MARK1: variants seen among roughly 807,000 people sequenced by gnomAD.
MARK1 encodes serine/threonine-protein kinase MARK1.
MARK1 carries 40 observed loss-of-function variants against 96.3 expected under a neutral mutation model. That is an observed-to-expected ratio of 0.42 (90% CI 0.32 to 0.54). MARK1 has a LOEUF of 0.54. Ranked by LOEUF, MARK1 falls within the 20% of genes least tolerant of loss-of-function variation. MARK1 has a pLI of 0.16. For missense variants in MARK1, 719 were observed against 984.6 expected (o/e 0.73, Z 3.61); for synonymous variants, 317 against 341.2 (o/e 0.93, Z 0.78).
Position 220,652,024 on chromosome 1 carries a change from G to A in MARK1, c.1610G>A (p.Gly537Asp). 6.2e-7 allele frequency: 1 copy of A among 1,611,028 alleles called. No individual in the cohort carries two copies. Among genetic ancestry groups the A allele is most frequent in the South Asian group, 1.1e-5 (1 of 90,826 alleles). Reference sequence around the variant, plus strand: ...TCTGTGAGTAGCATATCTTCTGCAGGCTCTTCTGTGGCCTCTGCTGTCCCC... The same window carrying A: ...TCTGTGAGTAGCATATCTTCTGCAGACTCTTCTGTGGCCTCTGCTGTCCCC... ...EMSVSSISSA[G>D]SSVASAVPSA... Residue 537 changes from glycine to aspartate, a missense_variant, in exon 15 of 18, where the codon GGC becomes GAC. By Grantham distance (94) the Gly-to-Asp change is moderately conservative (BLOSUM62 -1). Coordinates refer to ENST00000366917, the MANE Select transcript of MARK1 (RefSeq NM_018650.5).
chr1:220,542,988 A>G (rs1661248645), intron 1 of MARK1, among the ~76,000 whole-genome samples: 1 of 152,196 alleles, frequency 6.6e-6, no homozygotes, highest in African/African-American at 2.4e-5. Context: ...GTATACTTTA[A>G]AATGTGCATA....
Position 220,618,744 on chromosome 1 carries a change from G to A in MARK1, c.898G>A (p.Gly300Ser). The change falls in exon 9 of 18, where the codon GGC (glycine) becomes AGC (serine). Residue 300 changes from glycine (G) to serine (S), a missense_variant. Gly to Ser is a moderately conservative substitution (Grantham distance 56). Around this residue, in one of 4 missense-constraint regions of MARK1, gnomAD observed 501 missense variants for 588.3 expected, o/e 0.85. Coordinates refer to ENST00000366917, the MANE Select transcript of MARK1 (RefSeq NM_018650.5). The surrounding 1 kb of genome is among the most constrained non-coding windows in gnomAD (Gnocchi z 4.6). Reference protein sequence around the residue: ...KLLVLNPIKRGSLEQIMKDRW... With the variant: ...KLLVLNPIKRSSLEQIMKDRW... ...ATTAGTCCTGAATCCAATAAAGAGA[G>A]GCAGCTTGGAAGTAAGTAAATTTTT... 1 of 1,590,138 alleles carries A rather than the reference G, an allele frequency of 6.3e-7. No individual in the cohort carries two copies. The highest frequency in any genetic ancestry group is 1.4e-5 in the African/African-American group (1 of 73,556).
Position 220,635,941 on chromosome 1 carries a change from G to A in MARK1, c.1385G>A (p.Gly462Asp), listed in dbSNP as rs771183225. 2 of 1,614,008 alleles carry A rather than the reference G, an allele frequency of 1.2e-6. No homozygotes were observed. Among genetic ancestry groups the A allele is most frequent in the Non-Finnish European group, 1.7e-6 (2 of 1,179,984 alleles). The part of the protein sequence containing the change: ...EWDKDVARKL[G>D]STTVGSKSEM... ...GACAAAGATGTGGCTCGAAAACTTG[G>A]CAGCACAACAGTTGGATCAAAAAGC... Residue 462 changes from glycine to aspartate, a missense_variant, in exon 13 of 18, where the codon GGC becomes GAC. Physicochemically the swap from Gly to Asp is moderately conservative, Grantham distance 94. Coordinates refer to ENST00000366917, the MANE Select transcript of MARK1 (RefSeq NM_018650.5).
intron 6 of MARK1, among the ~76,000 whole-genome samples, chr1:220,609,844 G>C (rs1572170415): frequency 6.6e-6 from 1 of 152,122 alleles, no homozygotes; most frequent in Non-Finnish European, 1.5e-5. Context: ...GAAATTCTGG[G>C]TTGAAAATTC....
Position 220,618,842 on chromosome 1 carries a change from A to G in MARK1, c.909+87A>G. 1 of 1,203,106 alleles carries G rather than the reference A, an allele frequency of 8.3e-7. No individual in the cohort carries two copies. The highest frequency in any genetic ancestry group is 1.1e-6 in the Non-Finnish European group (1 of 883,552). The allele number at this position is 1,203,106 out of a possible 1,614,324, so 74.5% of individuals were successfully genotyped here. The stretch of plus-strand genomic sequence containing the variant: ...GAGCATTTTTCTCCTATGTTTTCTT[A>G]GGAAAATTGCCAAATTATCTAATCT... On this transcript the variant is annotated intron_variant, in intron 9 of 17. Transcript: ENST00000366917. The surrounding 1 kb of genome is among the most constrained non-coding windows in gnomAD (Gnocchi z 4.6).
At chr1:220,632,130 T>C (rs2103007334) in intron 10 of MARK1, 71 bp from the exon 11 acceptor site, 2 of 661,816 alleles carry the variant, frequency 3.0e-6, no homozygotes, top group East Asian at 5.9e-5. Flanking sequence ...ATGGCAAACT[T>C]GCCCATTTTT....
At chr1:220,623,212 C>G (rs1330086186) in intron 9 of MARK1, among the ~76,000 whole-genome samples, 2 of 152,054 alleles carry the variant, frequency 1.3e-5, no homozygotes, top group Non-Finnish European at 2.9e-5. Context: ...TGAGCTCTCT[C>G]CTGTCACCCA....
At chr1:220,549,011 A>C (rs759461435) in intron 1 of MARK1, among the ~76,000 whole-genome samples, 21 of 152,086 alleles carry the variant, frequency 1.4e-4, no homozygotes, top group Non-Finnish European at 2.5e-4. Context: ...TATCTTAGGG[A>C]GAAGTGCCTC....
intron 7 of MARK1, 143 bp downstream of exon 7, chr1:220,616,138 A>G (rs1261565131): frequency 2.5e-6 from 1 of 396,346 alleles, no homozygotes; most frequent in Non-Finnish European, 4.4e-6. Context: ...TCTCACAGCA[A>G]CTTTATGAAA....
At chr1:220,573,867 TGTA>T (rs1350475677) in intron 1 of MARK1, among the ~76,000 whole-genome samples, 1 of 152,014 alleles carries the variant, frequency 6.6e-6, no homozygotes, top group Non-Finnish European at 1.5e-5. Context: ...TAGTATATAT[TGTA>T]GTATATGTAG....
intron 6 of MARK1, among the ~76,000 whole-genome samples, chr1:220,612,352 TACTA>T (rs1666495737): frequency 1.3e-5 from 2 of 152,184 alleles, no homozygotes; most frequent in African/African-American, 4.8e-5. Context: ...TACAAATAAT[TACTA>T]AAATTGGCTT....
At chr1:220,545,068 G>A (rs147204325) in intron 1 of MARK1, among the ~76,000 whole-genome samples, 1 of 152,192 alleles carries the variant, frequency 6.6e-6, no homozygotes, top group Non-Finnish European at 1.5e-5. Flanking sequence ...GGCGGGCCAG[G>A]TGCTCAAGAA....
At chr1:220,574,647 A>G (rs1049902427) in intron 1 of MARK1, among the ~76,000 whole-genome samples, 1 of 152,130 alleles carries the variant, frequency 6.6e-6, no homozygotes, top group Non-Finnish European at 1.5e-5. Context: ...CTGCTTTTTT[A>G]TGGCTCTTCA....
chr1:220,622,152 GT>G lies in MARK1; in HGVS notation c.909+3405del, dbSNP rs559820463. Among the ~76,000 whole-genome samples, 1,108 of 151,874 alleles carry G rather than the reference GT, an allele frequency of 7.3e-3. 7 individuals are homozygous for G. Among genetic ancestry groups the G allele is most frequent in the Admixed American group, 0.012 (179 of 15,266 alleles). On this transcript the variant is annotated intron_variant, in intron 9 of 17. Coordinates refer to ENST00000366917, the MANE Select transcript of MARK1 (RefSeq NM_018650.5). ...TTTGTGCTTTATGTTGTACACTAGG[GT>G]TTTTTTTAACCCATTTATTGGAATA... is the stretch of plus-strand genomic sequence containing the variant.
At position 220,662,397 on chromosome 1, in the gene MARK1, G is replaced by T. The variant is rs781327615; in HGVS notation, c.*231G>T. On this transcript the variant is annotated 3_prime_UTR_variant, in exon 18 of 18. Transcript: ENST00000366917. ...TCACATGTACAGGTAAGTATATTGT[G>T]TATTTCTGTTCATTTTCTGTTCATA... 10 of 437,158 alleles carry T rather than the reference G, an allele frequency of 2.3e-5. No homozygotes were observed. Among genetic ancestry groups the T allele is most frequent in the Admixed American group, 3.7e-5 (1 of 27,050 alleles). 27.1% of individuals were successfully genotyped at this position (437,158 alleles called of 1,614,324 possible). A position where few individuals can be genotyped will look rare whatever the true frequency, so the allele number is the denominator to read the frequency against.
At chr1:220,646,115 A>G (rs568906618) in intron 13 of MARK1, among the ~76,000 whole-genome samples, 1 of 152,266 alleles carries the variant, frequency 6.6e-6, no homozygotes, top group South Asian at 2.1e-4. Flanking sequence ...GAGGAAGTCA[A>G]ATTGTCTTGG....
intron 3 of MARK1, among the ~76,000 whole-genome samples, chr1:220,596,909 C>T (rs1665401933): frequency 6.6e-6 from 1 of 152,154 alleles, no homozygotes; most frequent in Admixed American, 6.5e-5. Flanking sequence ...TTCTACTTTA[C>T]ATCTCTATGA....
At chr1:220,587,517 C>T (rs370353097) in intron 3 of MARK1, among the ~76,000 whole-genome samples, 7 of 151,804 alleles carry the variant, frequency 4.6e-5, no homozygotes, top group East Asian at 3.9e-4. Flanking sequence ...TACAGGTGCC[C>T]GCCACCAAGC....
chr1:220,605,419 G>A (rs779256299), intron 6 of MARK1, among the ~76,000 whole-genome samples: 1 of 151,858 alleles, frequency 6.6e-6, no homozygotes, highest in Non-Finnish European at 1.5e-5. Context: ...TTTCTATCCT[G>A]GGATGGAAGT....
Sources: gnomAD v4.1 joint callset for allele counts (sites outside exome capture counted in the v4.1 genomes callset) on GRCh38, gnomAD v4.1.1 for gene constraint, gnomAD v4.1.1 regional missense constraint, Gnocchi (gnomAD v3.1) non-coding constraint, MANE v1.5 for transcripts, NCBI Gene and HGNC (gene_info 2026-07-23, HGNC 2026-07-21) for gene names.